MYH11: variants seen among roughly 807,000 people sequenced by gnomAD.
MYH11 encodes myosin-11.
MYH11 carries 80 observed loss-of-function variants against 246.6 expected under a neutral mutation model. The observed-to-expected ratio is 0.32, with a 90% CI of 0.27 to 0.39. The LOEUF is 0.39. Among genes scored for constraint, MYH11 ranks in the 10% least tolerant of loss-of-function variants. The pLI is 1.00. For missense variants in MYH11, 2,158 were observed against 2,546.8 expected, an observed-to-expected ratio of 0.85 and a Z score of 3.29; for synonymous variants, 1,071 against 1,015.5, an observed-to-expected ratio of 1.05 and a Z score of -1.04.
At chr16:15,802,876 C>T (rs530845906) in intron 3 of MYH11, among the ~76,000 whole-genome samples, 36 of 151,808 alleles carry the variant, frequency 2.4e-4, no homozygotes, top group African/African-American at 7.7e-4. Context: ...GGAGGCCGGG[C>T]GTGGTGGCTC....
chr16:15,710,313 G>A (rs2039708033), intron 40 of MYH11, among the ~76,000 whole-genome samples: 1 of 152,032 alleles, frequency 6.6e-6, no homozygotes, highest in South Asian at 2.1e-4. Context: ...ACGAGGTCAG[G>A]AGATCGAGAC....
intron 28 of MYH11, among the ~76,000 whole-genome samples, chr16:15,726,510 A>G (rs752566260): frequency 6.6e-6 from 1 of 151,844 alleles, no homozygotes; most frequent in Non-Finnish European, 1.5e-5. Context: ...AGATGGGACT[A>G]CAGGTGCCCA....
intron 7 of MYH11, 131 bp from the exon 8 acceptor site, chr16:15,776,307 C>T: frequency 2.8e-6 from 2 of 719,492 alleles, no homozygotes. Context: ...TAATGTCTAA[C>T]TTTGACCATT....
At chr16:15,763,741 T>TGCCCCCCCCCCCCCCC in intron 10 of MYH11, 55 bp downstream of exon 10, 1 of 646,854 alleles carries the variant, frequency 1.5e-6, no homozygotes, top group Non-Finnish European at 2.9e-6. Flanking sequence ...AAATGTCACC[T>TGCCCCCCCCCCCCCCC]CCCCCACCCC....
chr16:15,832,943 CTTTTTTTTTTTTTTTTT>C (rs780380104), intron 2 of MYH11, among the ~76,000 whole-genome samples: 6 of 55,340 alleles, frequency 1.1e-4, no homozygotes, highest in Admixed American at 8.4e-4. Context: ...GCAACCTCAT[CTTTTTTTTTTTTTTTTT>C]TTTTTTTTTT....
intron 27 of MYH11, among the ~76,000 whole-genome samples, chr16:15,728,520 G>A (rs1474304901): frequency 6.6e-6 from 1 of 152,130 alleles, no homozygotes; most frequent in African/African-American, 2.4e-5. Context: ...TCGTGTGATT[G>A]ACACTGCTAC....
Position 15,722,099 on chromosome 16 carries a change from G to C in MYH11, c.4366-465C>G, listed in dbSNP as rs2151212663. On this transcript the variant is annotated intron_variant, in intron 31 of 40. Transcript: ENST00000300036. Reference sequence around the variant, plus strand: ...TCTCGAACTCCTGACCCTCAAGTGAGCCTCCTGCCTCGGCCTCCCAAAGCA... The same window carrying C: ...TCTCGAACTCCTGACCCTCAAGTGACCCTCCTGCCTCGGCCTCCCAAAGCA... 1.3e-5 allele frequency among the ~76,000 whole-genome samples: 2 copies of C among 152,030 alleles called. 1 individual carries two copies. The highest frequency in any genetic ancestry group is 4.2e-4 in the South Asian group (2 of 4,814).
chr16:15,782,350 C>G, intron 6 of MYH11, 35 bp downstream of exon 6: 1 of 1,597,184 alleles, frequency 6.3e-7, no homozygotes, highest in Non-Finnish European at 8.6e-7. Context: ...GACACCAAAG[C>G]TTTTCTGGAA....
Position 15,763,778 on chromosome 16 carries a change from G to A in MYH11, c.1129+18C>T, listed in dbSNP as rs1193001139. The stretch of plus-strand genomic sequence containing the variant: ...CCAACCCCAAAGTCATTGGTCATCA[G>A]GAAAAAGTGGCAAGTACCTGTGTTA... On this transcript the variant is annotated intron_variant, in intron 10 of 40. Coordinates refer to ENST00000300036, the MANE Select transcript of MYH11 (RefSeq NM_002474.3). 2.5e-6 allele frequency: 2 copies of A among 799,776 alleles called. No individual in the cohort carries two copies. Among genetic ancestry groups the A allele is most frequent in the Non-Finnish European group, 1.9e-6 (1 of 526,876 alleles). The allele number at this position is 799,776 out of a possible 1,614,324, so 49.5% of individuals were successfully genotyped here.
chr16:15,725,418 C>T (rs962105002), intron 28 of MYH11: 32 of 500,964 alleles, frequency 6.4e-5, no homozygotes, highest in Non-Finnish European at 1.0e-4. Flanking sequence ...TTGAACGTCC[C>T]AGGGATGCTG....
chr16:15,708,902 G>A (rs2039620599), intron 40 of MYH11: 8 of 1,481,570 alleles, frequency 5.4e-6, no homozygotes, highest in Non-Finnish European at 7.5e-6. Context: ...GCCCGGTTAA[G>A]TATATTCTTA....
At chr16:15,829,295 T>C (rs573383851) in intron 2 of MYH11, among the ~76,000 whole-genome samples, 5 of 152,324 alleles carry the variant, frequency 3.3e-5, no homozygotes, top group East Asian at 1.9e-4. Context: ...TCCTCTTTGT[T>C]TGGGACATCT....
intron 6 of MYH11, among the ~76,000 whole-genome samples, chr16:15,780,310 G>A (rs1376044309): frequency 6.6e-6 from 1 of 151,948 alleles, no homozygotes; most frequent in Non-Finnish European, 1.5e-5. Flanking sequence ...GTGGGGCCAA[G>A]GATATTTTGG....
rs2041529985 is a variant in MYH11 at position 15,750,230 on chromosome 16, G to A, written c.1966C>T (p.Leu656=). The change falls in exon 16 of 41, where the codon CTG becomes TTG. Residue 656 remains leucine (L), a synonymous_variant. Transcript: ENST00000300036. This position sits in a 1 kb window ranked among gnomAD's most constrained non-coding sequence, Gnocchi z 4.3. ...AGCTTGCCCAGCTGCTCCTTGTACA[G>A]CTGCCCCACTGTGCGGAACATGCCC... ...KKGMFRTVGQ[L]YKEQLGKLMT... 1.9e-6 allele frequency: 3 copies of A among 1,614,216 alleles called. No individual in the cohort carries two copies. The highest frequency in any genetic ancestry group is 2.2e-5 in the South Asian group (2 of 91,092).
chr16:15,708,183 C>G (rs1241669959), intron 40 of MYH11, among the ~76,000 whole-genome samples: 2 of 152,172 alleles, frequency 1.3e-5, no homozygotes, highest in Non-Finnish European at 2.9e-5. Flanking sequence ...TGTAGCTAGA[C>G]ATCACTCAAG....
chr16:15,743,023 C>A (rs1337379238), intron 20 of MYH11, among the ~76,000 whole-genome samples: 1 of 147,954 alleles, frequency 6.8e-6, no homozygotes, highest in Non-Finnish European at 1.5e-5. Flanking sequence ...TTTTAGCAGA[C>A]CTATTCAGTA....
intron 12 of MYH11, 118 bp downstream of exon 12, chr16:15,759,458 C>A: frequency 7.6e-7 from 1 of 1,315,788 alleles, no homozygotes. Context: ...CTTAACTAGA[C>A]AGCCTCCTAC....
Position 15,807,569 on chromosome 16 carries a change from A to T in MYH11, c.503-8882T>A, listed in dbSNP as rs919731505. Among the ~76,000 whole-genome samples the T allele has an allele frequency of 7.9e-5, 12 of 152,176 alleles. No individual in the cohort carries two copies. The East Asian group carries it at 2.1e-3, about 27-fold the overall frequency. On this transcript the variant is annotated intron_variant, in intron 3 of 40. Transcript: ENST00000300036. ...GCATCCCAAGCAGAGGGCCTGGGAC[A>T]GAAGCTCCAAAGTGGGCGGGGACAC...
chr16:15,804,823 A>G (rs2042972243), intron 3 of MYH11, among the ~76,000 whole-genome samples: 1 of 152,236 alleles, frequency 6.6e-6, no homozygotes, highest in African/African-American at 2.4e-5. Context: ...TCCATGTTGT[A>G]GCAGGTCCCA....
Sources: gnomAD v4.1 joint callset for allele counts (sites outside exome capture counted in the v4.1 genomes callset) on GRCh38, gnomAD v4.1.1 for gene constraint, Gnocchi (gnomAD v3.1) non-coding constraint, MANE v1.5 for transcripts, NCBI Gene and HGNC (gene_info 2026-07-23, HGNC 2026-07-21) for gene names.